The following SCMH1 variants were observed in gnomAD, a reference collection of about 807,000 sequenced individuals.
SCMH1 encodes the protein polycomb protein SCMH1.
In SCMH1, 37 loss-of-function variants were observed where a neutral mutation model predicts 70.8. The observed-to-expected ratio is 0.52, with a 90% CI of 0.40 to 0.69. The LOEUF (loss-of-function observed/expected upper bound fraction) is 0.69. Among genes scored for constraint, SCMH1 ranks in the 30% least tolerant of loss-of-function variants. The pLI, the probability that SCMH1 is intolerant of heterozygous loss-of-function variation, is 0.00. For missense variants in SCMH1, 607 were observed against 827.3 expected, an observed-to-expected ratio of 0.73 and a Z score of 3.27; for synonymous variants, 292 against 307.4, an observed-to-expected ratio of 0.95 and a Z score of 0.52.
chr1:41,239,323 C>T (rs542362451), intron 1 of SCMH1, among the ~76,000 whole-genome samples: 13 of 152,272 alleles, frequency 8.5e-5, no homozygotes, highest in Non-Finnish European at 1.9e-4. Context: ...GTTTGAAGGA[C>T]GCTTTCTGCT....
chr1:41,033,900 C>A, intron 13 of SCMH1, 83 bp downstream of exon 14: 1 of 1,595,666 alleles, frequency 6.3e-7, no homozygotes, highest in South Asian at 1.1e-5. Context: ...GAGGCCAGTG[C>A]CAGGAGGGCA....
intron 8 of SCMH1, among the ~76,000 whole-genome samples, chr1:41,110,992 G>C (rs779726893): frequency 1.3e-5 from 2 of 152,190 alleles, no homozygotes; most frequent in African/African-American, 4.8e-5. Flanking sequence ...TGGGTGTGAA[G>C]TTGTATTTCA....
intron 11 of SCMH1, among the ~76,000 whole-genome samples, chr1:41,047,874 ATCT>A (rs540080655): frequency 6.6e-5 from 10 of 152,204 alleles, no homozygotes; most frequent in Non-Finnish European, 1.5e-4. Flanking sequence ...CTAAGCTGTC[ATCT>A]TCTATTCTCC....
At chr1:41,063,797 T>C (rs946836480) in intron 10 of SCMH1, among the ~76,000 whole-genome samples, 7 of 152,208 alleles carry the variant, frequency 4.6e-5, no homozygotes, top group Non-Finnish European at 4.4e-5. Context: ...TGAATAGGTT[T>C]ATATCTATTA....
intron 1 of SCMH1, among the ~76,000 whole-genome samples, chr1:41,193,551 G>A (rs774269894): frequency 5.3e-5 from 8 of 152,136 alleles, no homozygotes; most frequent in Non-Finnish European, 1.0e-4. Flanking sequence ...AAGCTTCATG[G>A]AGGAGATGAA....
At position 41,028,103 on chromosome 1, in the gene SCMH1, ACT is replaced by A. The variant is rs940442055; in HGVS notation, c.*89_*90del. On this transcript the variant is annotated 3_prime_UTR_variant, in exon 15 of 15. Transcript: ENST00000337495. ...GAGTCCTGAGGTGGCCCGGAACCCC[ACT>A]GAGGTGCCTGGGGTGGGCTGATGCC... 32 of 1,546,326 alleles carry A rather than the reference ACT, an allele frequency of 2.1e-5. 1 individual carries two copies. Among genetic ancestry groups the A allele is most frequent in the Non-Finnish European group, 2.7e-5 (31 of 1,131,708 alleles).
chr1:41,118,801 C>T (rs1170122082), intron 6 of SCMH1, among the ~76,000 whole-genome samples: 1 of 152,174 alleles, frequency 6.6e-6, no homozygotes, highest in African/African-American at 2.4e-5. Context: ...GATAACAAAA[C>T]CTAATGTTTT....
intron 8 of SCMH1, among the ~76,000 whole-genome samples, chr1:41,099,948 C>T (rs998779009): frequency 6.6e-6 from 1 of 152,054 alleles, no homozygotes. Context: ...TAATCTAGTA[C>T]TAAACAGGAG....
intron 1 of SCMH1, among the ~76,000 whole-genome samples, chr1:41,227,366 A>G (rs1325047095): frequency 2.6e-5 from 4 of 152,236 alleles, no homozygotes; most frequent in East Asian, 1.9e-4. Flanking sequence ...CTGCCCTTCC[A>G]TAGTCACTCT....
At chr1:41,046,472 A>C (rs745799505) in exon 12 of SCMH1, 1 of 1,614,186 alleles carries the variant, frequency 6.2e-7, no homozygotes, top group Non-Finnish European at 8.5e-7. Context: ...AGTCTGTGTA[A>C]AGGGCTGGTT....
chr1:41,103,895 A>G (rs771008248), intron 8 of SCMH1, among the ~76,000 whole-genome samples: 1 of 152,112 alleles, frequency 6.6e-6, no homozygotes, highest in Non-Finnish European at 1.5e-5. Flanking sequence ...TCTCTGCTTC[A>G]TAATCTACTC....
At chr1:41,240,746 CTTTTTTTTT>C (rs200850811) in intron 1 of SCMH1, among the ~76,000 whole-genome samples, 1 of 138,076 alleles carries the variant, frequency 7.2e-6, no homozygotes, top group African/African-American at 2.7e-5. Context: ...TAAATGTTTT[CTTTTTTTTT>C]TTTTTTTAAG....
intron 2 of SCMH1, among the ~76,000 whole-genome samples, chr1:41,169,044 C>A (rs1646613173): frequency 6.6e-6 from 1 of 152,160 alleles, no homozygotes. Flanking sequence ...AAAACCTGTA[C>A]TCAAATTCAG....
intron 7 of SCMH1, among the ~76,000 whole-genome samples, chr1:41,115,793 C>CT (rs1670319941): frequency 6.6e-6 from 1 of 152,078 alleles, no homozygotes; most frequent in Admixed American, 6.5e-5. Flanking sequence ...CTTTTATTTT[C>CT]TTTTTTAAAA....
At chr1:41,202,038 G>C (rs1654470054) in intron 1 of SCMH1, among the ~76,000 whole-genome samples, 1 of 152,028 alleles carries the variant, frequency 6.6e-6, no homozygotes, top group Non-Finnish European at 1.5e-5. Context: ...TGGTTATTTA[G>C]CTTTTTGAGT....
intron 1 of SCMH1, among the ~76,000 whole-genome samples, chr1:41,192,711 T>C (rs1652021822): frequency 6.6e-6 from 1 of 152,230 alleles, no homozygotes; most frequent in African/African-American, 2.4e-5. Flanking sequence ...CCAAACATTC[T>C]TGACATTTAA....
At chr1:41,084,777 C>T (rs1661095669) in intron 8 of SCMH1, among the ~76,000 whole-genome samples, 1 of 152,016 alleles carries the variant, frequency 6.6e-6, no homozygotes, top group Admixed American at 6.6e-5. Flanking sequence ...CACATATACA[C>T]CATGGAATAC....
At chr1:41,056,352 A>G (rs1360228321) in intron 10 of SCMH1, among the ~76,000 whole-genome samples, 1 of 152,256 alleles carries the variant, frequency 6.6e-6, no homozygotes, top group African/African-American at 2.4e-5. Flanking sequence ...TATTCATTTT[A>G]ATATAGAATA....
intron 10 of SCMH1, among the ~76,000 whole-genome samples, chr1:41,050,720 C>T (rs755472724): frequency 7.2e-5 from 11 of 152,138 alleles, no homozygotes; most frequent in African/African-American, 1.9e-4. Context: ...GGACTGGAAA[C>T]GTAGCGACTG....
Sources: allele counts gnomAD v4.1 joint callset (sites outside exome capture counted in the v4.1 genomes callset), GRCh38; gene constraint gnomAD v4.1.1; transcripts MANE v1.5; gene names NCBI Gene and HGNC (gene_info 2026-07-23, HGNC 2026-07-21).